Variants in PLCG1 observed in about 807,000 individuals in gnomAD.
PLCG1 encodes the protein phospholipase C gamma 1.
In PLCG1, 71 loss-of-function variants were observed where a neutral mutation model predicts 177.8. That is an observed-to-expected ratio of 0.40 (90% CI 0.33 to 0.49). The LOEUF (loss-of-function observed/expected upper bound fraction) is 0.49. Ranked by LOEUF, PLCG1 falls within the 20% of genes least tolerant of loss-of-function variation. PLCG1 has a pLI of 0.72. For missense variants in PLCG1, 1,281 were observed against 1,709.0 expected (o/e 0.75, Z 4.42); for synonymous variants, 658 against 647.9 (o/e 1.02, Z -0.24).
rs1404976687 is a variant in PLCG1 at position 41,160,368 on chromosome 20, G to C, written c.512+215G>C. Among the ~76,000 whole-genome samples, 1 of 152,212 alleles carries C rather than the reference G, an allele frequency of 6.6e-6. No individual in the cohort carries two copies. The highest frequency in any genetic ancestry group is 2.4e-5 in the African/African-American group (1 of 41,452). ...TGGTGAGAGGAGCCAGCCACATGCT[G>C]TGTGCCCTGCCACTATGGGCAGAGA... On this transcript the variant is annotated intron_variant, in intron 4 of 31. Coordinates refer to ENST00000685551, the MANE Select transcript of PLCG1 (RefSeq NM_002660.3). This position sits in a 1 kb window ranked among gnomAD's most constrained non-coding sequence, Gnocchi z 5.5.
chr20:41,138,158 C>T (rs1283259679), intron 1 of PLCG1, among the ~76,000 whole-genome samples: 3 of 152,248 alleles, frequency 2.0e-5, no homozygotes, highest in East Asian at 1.9e-4. Context: ...AGGCATCGGG[C>T]CCCCCAGACC....
chr20:41,143,473 G>A (rs1032867928), intron 1 of PLCG1, among the ~76,000 whole-genome samples: 8 of 152,204 alleles, frequency 5.3e-5, no homozygotes, highest in African/African-American at 1.7e-4. Context: ...GATGGGTGTG[G>A]GATAGGAGGA....
chr20:41,164,672 A>T lies in PLCG1; in HGVS notation c.1218-261A>T, dbSNP rs1313741639. ...TCTCCTGGCCTCTTTGGTGTGAAAC[A>T]TTTTTCTTGCACTGCTGAGCAGCCT... On this transcript the variant is annotated intron_variant, in intron 12 of 31. Coordinates refer to ENST00000685551, the MANE Select transcript of PLCG1 (RefSeq NM_002660.3). The surrounding 1 kb of genome is among the most constrained non-coding windows in gnomAD (Gnocchi z 6.4). 6.6e-6 allele frequency among the ~76,000 whole-genome samples: 1 copy of T among 151,734 alleles called. No individual in the cohort carries two copies. Among genetic ancestry groups the T allele is most frequent in the East Asian group, 1.9e-4 (1 of 5,150 alleles).
intron 1 of PLCG1, among the ~76,000 whole-genome samples, chr20:41,152,501 C>G (rs947723062): frequency 1.3e-5 from 2 of 152,254 alleles, no homozygotes; most frequent in African/African-American, 2.4e-5. Context: ...TTTGTTGTAG[C>G]CCCTCAGCCT....
In PLCG1 at chr20:41,172,603, A is replaced by C. The variant is rs751797870; in HGVS notation, c.3088A>C (p.Ile1030Leu). 1.7e-5 allele frequency: 28 copies of C among 1,614,024 alleles called. No homozygotes were observed. The highest frequency in any genetic ancestry group is 8.3e-5 in the Admixed American group (5 of 60,000). The change falls in exon 26 of 32, where the codon ATC becomes CTC. Residue 1030 changes from isoleucine to leucine, a missense_variant. This residue lies in a region of PLCG1 where 723 missense variants were observed against 1,030.0 expected (regional missense o/e 0.70). Coordinates refer to ENST00000685551, the MANE Select transcript of PLCG1 (RefSeq NM_002660.3). This position sits in a 1 kb window ranked among gnomAD's most constrained non-coding sequence, Gnocchi z 7.0. ...SSNYDPLPMW[I>L]CGSQLVALNF... The stretch of plus-strand genomic sequence containing the variant: ...CAACTACGATCCTTTGCCCATGTGG[A>C]TCTGTGGCAGTCAGCTTGTGGCCCT...
Position 41,150,706 on chromosome 20 carries a change from G to T in PLCG1, c.218-8900G>T, listed in dbSNP as rs1222750673. On this transcript the variant is annotated intron_variant, in intron 1 of 31. Transcript: ENST00000685551. The surrounding 1 kb of genome is among the most constrained non-coding windows in gnomAD (Gnocchi z 4.0). Reference sequence around the variant, plus strand: ...ATGATACTCTGAATGCCCTGTTTGTGGAACTTAGTGGACTCCTGCACCTCT... The same window carrying T: ...ATGATACTCTGAATGCCCTGTTTGTTGAACTTAGTGGACTCCTGCACCTCT... Among the ~76,000 whole-genome samples the T allele has an allele frequency of 6.6e-6, 1 of 152,158 alleles. No individual in the cohort carries two copies. The highest frequency in any genetic ancestry group is 1.5e-5 in the Non-Finnish European group (1 of 68,030).
At position 41,144,532 on chromosome 20, in the gene PLCG1, C is replaced by T. The variant is rs146506571; in HGVS notation, c.217+6674C>T. 1.1e-3 allele frequency among the ~76,000 whole-genome samples: 171 copies of T among 152,204 alleles called. No homozygotes were observed. Among genetic ancestry groups the T allele is most frequent in the Admixed American group, 2.5e-3 (38 of 15,296 alleles). ...ACTCCTACATGGGGGTGAATGTAGC[C>T]GCTGATTGGGGGTGGGACACAGAAG... On this transcript the variant is annotated intron_variant, in intron 1 of 31. Coordinates refer to ENST00000685551, the MANE Select transcript of PLCG1 (RefSeq NM_002660.3). The surrounding 1 kb of genome is among the most constrained non-coding windows in gnomAD (Gnocchi z 4.1).
In PLCG1 at chr20:41,163,875, G is replaced by A. The variant is rs201972169; in HGVS notation, c.1010+42G>A. The A allele has an allele frequency of 2.0e-5, 32 of 1,610,862 alleles. No individual in the cohort carries two copies. The East Asian group carries it at 6.2e-4, about 31-fold the overall frequency. The stretch of plus-strand genomic sequence containing the variant: ...CAGGCCCACCCAGCTTCTTCCCCAG[G>A]AGGGCCCATCTGACCATACCTACCT... On this transcript the variant is annotated intron_variant, in intron 10 of 31. Transcript: ENST00000685551. The surrounding 1 kb of genome is among the most constrained non-coding windows in gnomAD (Gnocchi z 5.2).
intron 1 of PLCG1, among the ~76,000 whole-genome samples, chr20:41,154,215 G>A (rs1168508824): frequency 3.3e-5 from 5 of 152,144 alleles, no homozygotes; most frequent in African/African-American, 9.7e-5. Flanking sequence ...CCTGCTGAGC[G>A]GTTAACAGGC....
chr20:41,172,754 C>G lies in PLCG1; in HGVS notation c.3156C>G (p.Ala1052=), dbSNP rs557776271. 628 of 1,614,130 alleles carry G rather than the reference C, an allele frequency of 3.9e-4. 8 individuals carry two copies. The South Asian group carries it at 6.5e-3, about 17-fold the overall frequency. ...ACAAGCCTATGCAGATGAACCAGGC[C>G]CTCTTCATGACGGGCAGGCACTGTG... is the stretch of plus-strand genomic sequence containing the variant. ...TPDKPMQMNQ[A]LFMTGRHCGY... Residue 1052 remains alanine (A), a synonymous_variant, in exon 27 of 32, where the codon GCC becomes GCG. Coordinates refer to ENST00000685551, the MANE Select transcript of PLCG1 (RefSeq NM_002660.3). This position sits in a 1 kb window ranked among gnomAD's most constrained non-coding sequence, Gnocchi z 7.0.
Position 41,172,533 on chromosome 20 carries a change from G to C in PLCG1, c.3018G>C (p.Leu1006=). Residue 1006 remains leucine (L), a synonymous_variant, in exon 26 of 32, where the codon CTG becomes CTC. Coordinates refer to ENST00000685551, the MANE Select transcript of PLCG1 (RefSeq NM_002660.3). This position sits in a 1 kb window ranked among gnomAD's most constrained non-coding sequence, Gnocchi z 7.0. ...KGKKFLQYNR[L]QLSRIYPKGQ... is the part of the protein sequence containing the mutation. ...AGAAGTTCCTTCAGTACAATCGACTGCAGCTCTCCCGCATCTACCCCAAGG... is the reference window on the plus strand; with the variant it reads ...AGAAGTTCCTTCAGTACAATCGACTCCAGCTCTCCCGCATCTACCCCAAGG... 6.2e-7 allele frequency: 1 copy of C among 1,614,154 alleles called. No individual in the cohort carries two copies. The highest frequency in any genetic ancestry group is 8.5e-7 in the Non-Finnish European group (1 of 1,179,994).
At position 41,159,694 on chromosome 20, in the gene PLCG1, C is replaced by G. The variant is rs778049993; in HGVS notation, c.306C>G (p.Asp102Glu). ...RYQEDPAFRP[D>E]QSHCFVILYG... Reference sequence around the variant, plus strand: ...AAGAGGACCCAGCTTTCCGGCCGGACCAGTCACATTGCTTTGTCATTCTCT... The same window carrying G: ...AAGAGGACCCAGCTTTCCGGCCGGAGCAGTCACATTGCTTTGTCATTCTCT... The change falls in exon 2 of 32, where the codon GAC becomes GAG. Residue 102 changes from aspartate to glutamate, a missense_variant. Asp to Glu is a conservative substitution (Grantham distance 45). Transcript: ENST00000685551. The surrounding 1 kb of genome is among the most constrained non-coding windows in gnomAD (Gnocchi z 6.0). The G allele has an allele frequency of 1.1e-5, 18 of 1,614,076 alleles. No homozygotes were observed. Among genetic ancestry groups the G allele is most frequent in the Non-Finnish European group, 1.3e-5 (15 of 1,180,042 alleles).
rs2035741309 is a variant in PLCG1, at chr20:41,167,533, T to TA, written c.2302-316dup. ...GCAGTGAACCAACAAGCCACTGAAC[T>TA]AAAGCACTGAATATGGGTAGTCTGT... On this transcript the variant is annotated intron_variant, in intron 19 of 31. Transcript: ENST00000685551. This position sits in a 1 kb window ranked among gnomAD's most constrained non-coding sequence, Gnocchi z 4.4. 3.2e-6 allele frequency: 1 copy of TA among 310,632 alleles called. No individual in the cohort carries two copies. Among genetic ancestry groups the TA allele is most frequent in the Admixed American group, 4.5e-5 (1 of 22,138 alleles). The allele number at this position is 310,632 out of a possible 1,614,324, so 19.2% of individuals were successfully genotyped here.
At position 41,172,266 on chromosome 20, in the gene PLCG1, G is replaced by A; in HGVS notation, c.2882G>A (p.Arg961Gln). The A allele has an allele frequency of 9.9e-6, 16 of 1,613,920 alleles. No homozygotes were observed. Among genetic ancestry groups the A allele is most frequent in the Non-Finnish European group, 1.4e-5 (16 of 1,179,800 alleles). ...CTCTCTGAACTTGTCGTCTACTGCCGGCCTGTTCCCTTTGATGAAGAGAGT... is the reference window on the plus strand; with the variant it reads ...CTCTCTGAACTTGTCGTCTACTGCCAGCCTGTTCCCTTTGATGAAGAGAGT... ...LELSELVVYC[R>Q]PVPFDEEKIG... The change falls in exon 25 of 32, where the codon CGG (arginine) becomes CAG (glutamine). Residue 961 changes from arginine to glutamine, a missense_variant. This residue lies in a region of PLCG1 where 723 missense variants were observed against 1,030.0 expected (regional missense o/e 0.70). Coordinates refer to ENST00000685551, the MANE Select transcript of PLCG1 (RefSeq NM_002660.3). This position sits in a 1 kb window ranked among gnomAD's most constrained non-coding sequence, Gnocchi z 7.0.
chr20:41,140,390 G>C (rs989553533), intron 1 of PLCG1, among the ~76,000 whole-genome samples: 8 of 152,148 alleles, frequency 5.3e-5, no homozygotes, highest in Non-Finnish European at 1.2e-4. Flanking sequence ...ACTGCCAGCC[G>C]GGTTTTCTGC....
chr20:41,165,430 C>A lies in PLCG1; in HGVS notation c.1510-20C>A. 1 of 1,613,758 alleles carries A rather than the reference C, an allele frequency of 6.2e-7. No individual in the cohort carries two copies. On this transcript the variant is annotated intron_variant, in intron 14 of 31. Coordinates refer to ENST00000685551, the MANE Select transcript of PLCG1 (RefSeq NM_002660.3). The surrounding 1 kb of genome is among the most constrained non-coding windows in gnomAD (Gnocchi z 6.6). The stretch of plus-strand genomic sequence containing the variant: ...GGTGTGAGGACCCTGGCTCACAAGT[C>A]CCTCTTTGGTCTGTTCCAGGAATGG...
intron 1 of PLCG1, among the ~76,000 whole-genome samples, chr20:41,142,006 C>T (rs961408254): frequency 6.6e-6 from 1 of 152,218 alleles, no homozygotes; most frequent in Non-Finnish European, 1.5e-5. Context: ...ATTATTATAC[C>T]TCCCCATTTG....
intron 1 of PLCG1, among the ~76,000 whole-genome samples, chr20:41,142,010 C>T (rs1454190046): frequency 6.6e-6 from 1 of 152,206 alleles, no homozygotes; most frequent in African/African-American, 2.4e-5. Context: ...TTATACCTCC[C>T]CATTTGCCCA....
chr20:41,163,362 C>T lies in PLCG1; in HGVS notation c.790-16C>T, dbSNP rs34222470. ...CTGGAGGCTTCTCTCATCCCCTGCC[C>T]TCCCTACCCCATCAGGAGCTGTGGG... is the stretch of plus-strand genomic sequence containing the variant. On this transcript the variant is annotated splice_polypyrimidine_tract_variant and intron_variant, in intron 8 of 31. Transcript: ENST00000685551. This position sits in a 1 kb window ranked among gnomAD's most constrained non-coding sequence, Gnocchi z 5.2. 9.5e-4 allele frequency: 1,528 copies of T among 1,608,698 alleles called. 14 individuals are homozygous for T. In the African/African-American group the frequency reaches 0.018, roughly 19 times the overall value.
Sources: gnomAD v4.1 joint callset for allele counts (sites outside exome capture counted in the v4.1 genomes callset) on GRCh38, gnomAD v4.1.1 for gene constraint, gnomAD v4.1.1 regional missense constraint, Gnocchi (gnomAD v3.1) non-coding constraint, MANE v1.5 for transcripts, NCBI Gene and HGNC (gene_info 2026-07-23, HGNC 2026-07-21) for gene names.